The following SIGLEC1 variants were observed in gnomAD, a reference collection of about 807,000 sequenced individuals.
SIGLEC1 encodes sialoadhesin.
A neutral mutation model predicts 148.0 loss-of-function variants in SIGLEC1; 132 were observed. The observed-to-expected ratio is 0.89, with a 90% CI of 0.77 to 1.03. SIGLEC1 has a LOEUF of 1.03. Among genes scored for constraint, SIGLEC1 ranks in the 50% least tolerant of loss-of-function variants. The pLI is 0.00. For missense variants in SIGLEC1, 2,253 were observed against 2,271.4 expected, an observed-to-expected ratio of 0.99 and a Z score of 0.16; for synonymous variants, 945 against 969.0, an observed-to-expected ratio of 0.98 and a Z score of 0.46.
intron 18 of SIGLEC1, among the ~76,000 whole-genome samples, chr20:3,691,058 T>C (rs1329759707): frequency 1.3e-5 from 2 of 152,176 alleles, no homozygotes; most frequent in Non-Finnish European, 2.9e-5. Context: ...CTTGAACTCC[T>C]GACCTCAAGT....
At chr20:3,693,958 G>A (rs1490411532) in intron 13 of SIGLEC1, among the ~76,000 whole-genome samples, 1 of 152,154 alleles carries the variant, frequency 6.6e-6, no homozygotes, top group African/African-American at 2.4e-5. Flanking sequence ...GGCAAATGGG[G>A]AGACCACAGA....
intron 7 of SIGLEC1, among the ~76,000 whole-genome samples, chr20:3,699,783 C>T (rs566440712): frequency 1.3e-5 from 2 of 151,864 alleles, no homozygotes; most frequent in South Asian, 2.1e-4. Flanking sequence ...TCCAGACCAG[C>T]CTAGGCAACA....
chr20:3,692,808 C>T (rs759482514), intron 15 of SIGLEC1, 36 bp from the exon 16 acceptor site: 23 of 1,600,684 alleles, frequency 1.4e-5, no homozygotes, highest in African/African-American at 6.7e-5. Context: ...CGGGCCCAGC[C>T]GGACACCACA....
chr20:3,692,474 C>T, intron 16 of SIGLEC1, 47 bp downstream of exon 16: 1 of 1,532,958 alleles, frequency 6.5e-7, no homozygotes, highest in Non-Finnish European at 8.7e-7. Context: ...GAAGCACCCT[C>T]CACCACCCTC....
chr20:3,692,263 T>C, intron 16 of SIGLEC1, 61 bp from the exon 17 acceptor site: 1 of 1,466,372 alleles, frequency 6.8e-7, no homozygotes, highest in South Asian at 1.4e-5. Context: ...GCTCATTGCC[T>C]AGCTGCCTGG....
Position 3,705,724 on chromosome 20 carries a change from T to A in SIGLEC1, c.706+20A>T. ...CAACAGATGCGCTCAGCCACAAGGGTGTGTCCCCAGACAACTCACACTTCA... is the reference window on the plus strand; with the variant it reads ...CAACAGATGCGCTCAGCCACAAGGGAGTGTCCCCAGACAACTCACACTTCA... On this transcript the variant is annotated intron_variant, in intron 4 of 21. Coordinates refer to ENST00000344754, the MANE Select transcript of SIGLEC1 (RefSeq NM_023068.4). 1 of 1,587,432 alleles carries A rather than the reference T, an allele frequency of 6.3e-7. No homozygotes were observed. The highest frequency in any genetic ancestry group is 8.6e-7 in the Non-Finnish European group (1 of 1,163,178).
chr20:3,694,938 C>G lies in SIGLEC1; in HGVS notation c.2684-15G>C, dbSNP rs752137547. 6.2e-7 allele frequency: 1 copy of G among 1,605,378 alleles called. No homozygotes were observed. Reference sequence around the variant, plus strand: ...GACCCAGGCTCCTGCAGGGGAAAACCAAGAGCAGGTGAGGGCTCTCCACCA... The same window carrying G: ...GACCCAGGCTCCTGCAGGGGAAAACGAAGAGCAGGTGAGGGCTCTCCACCA... On this transcript the variant is annotated splice_polypyrimidine_tract_variant and intron_variant, in intron 11 of 21. Transcript: ENST00000344754.
At position 3,711,222 on chromosome 20, in the gene SIGLEC1, T is replaced by C. The variant is rs941065488; in HGVS notation, c.-110+1248A>G. ...CCAGACAGGAGGTTCCTGAGGTTCA[T>C]ACTTGGGTCTCCAAGTCTTGGGTGC... On this transcript the variant is annotated intron_variant, in intron 1 of 21. Transcript: ENST00000344754. Among the ~76,000 whole-genome samples the C allele has an allele frequency of 3.3e-5, 5 of 152,234 alleles. No individual in the cohort carries two copies. In the East Asian group the frequency reaches 5.8e-4, roughly 18 times the overall value.
intron 2 of SIGLEC1, 123 bp downstream of exon 2, chr20:3,706,957 C>T (rs1375607236): frequency 8.5e-7 from 1 of 1,171,780 alleles, no homozygotes; most frequent in African/African-American, 1.5e-5. Flanking sequence ...TGGCCACTGC[C>T]CGATTGGGCC....
intron 21 of SIGLEC1, 96 bp from the exon 22 acceptor site, chr20:3,688,715 G>A: frequency 1.1e-6 from 1 of 943,858 alleles, no homozygotes; most frequent in Non-Finnish European, 1.6e-6. Flanking sequence ...GAGGATTGGT[G>A]GGAGTGTGCA....
intron 8 of SIGLEC1, 22 bp from the exon 9 acceptor site, chr20:3,698,155 G>A (rs750393182): frequency 2.6e-6 from 4 of 1,550,366 alleles, no homozygotes; most frequent in Admixed American, 2.1e-5. Flanking sequence ...AAGAACATGG[G>A]CACTCATCCC....
At position 3,688,399 on chromosome 20, in the gene SIGLEC1, G is replaced by A. The variant is rs1031548575; in HGVS notation, c.*161C>T. ...GCAGACCTCTCACCACCCATTTTTGGGGGGGCAAGAGGCTTGGGGCCAGGT... is the reference window on the plus strand; with the variant it reads ...GCAGACCTCTCACCACCCATTTTTGAGGGGGCAAGAGGCTTGGGGCCAGGT... On this transcript the variant is annotated 3_prime_UTR_variant, in exon 22 of 22. Transcript: ENST00000344754. 1.4e-5 allele frequency: 10 copies of A among 696,440 alleles called. No individual in the cohort carries two copies. The highest frequency in any genetic ancestry group is 1.1e-4 in the African/African-American group (6 of 56,848). The allele number at this position is 696,440 out of a possible 1,614,324, so 43.1% of individuals were successfully genotyped here. A position where few individuals can be genotyped will look rare whatever the true frequency, so the allele number is the denominator to read the frequency against.
Position 3,696,833 on chromosome 20 carries a change from C to T in SIGLEC1, c.2436G>A (p.Met812Ile). 6.3e-7 allele frequency: 1 copy of T among 1,594,854 alleles called. No homozygotes were observed. The highest frequency in any genetic ancestry group is 8.6e-7 in the Non-Finnish European group (1 of 1,169,400). ...SALLDMGQGH[M>I]ALFICTVDSR... is the part of the protein sequence containing the mutation. The stretch of plus-strand genomic sequence containing the variant: ...TGTCCACAGTGCAGATGAACAGAGC[C>T]ATGTGGCCCTGGCCCATGTCTAGGA... The change falls in exon 11 of 22, where the codon ATG becomes ATA. Residue 812 changes from methionine to isoleucine, a missense_variant. Transcript: ENST00000344754.
At chr20:3,688,710 T>C in intron 21 of SIGLEC1, 91 bp from the exon 22 acceptor site, 2 of 983,444 alleles carry the variant, frequency 2.0e-6, no homozygotes, top group Non-Finnish European at 3.0e-6. Flanking sequence ...CCCAAGAGGA[T>C]TGGTGGGAGT....
intron 4 of SIGLEC1, 49 bp from the exon 5 acceptor site, chr20:3,704,140 A>T: frequency 6.5e-7 from 1 of 1,543,840 alleles, no homozygotes; most frequent in South Asian, 1.2e-5. Context: ...GGGAGGGCAG[A>T]GGATGGCACA....
At chr20:3,700,545 T>C (rs1030029147) in intron 7 of SIGLEC1, among the ~76,000 whole-genome samples, 1 of 151,498 alleles carries the variant, frequency 6.6e-6, no homozygotes, top group African/African-American at 2.4e-5. Context: ...GAACATACCA[T>C]TGCACTCCGG....
intron 6 of SIGLEC1, among the ~76,000 whole-genome samples, chr20:3,702,351 C>T (rs949710399): frequency 2.6e-5 from 4 of 152,006 alleles, no homozygotes; most frequent in Non-Finnish European, 2.9e-5. Flanking sequence ...TTTGGGAGGC[C>T]GAGGTAGGTG....
chr20:3,699,136 G>T (rs910015850), intron 8 of SIGLEC1, 66 bp downstream of exon 8: 6 of 1,564,164 alleles, frequency 3.8e-6, no homozygotes, highest in Non-Finnish European at 5.2e-6. Flanking sequence ...AGGGCTGGGG[G>T]GCCTAGAGGA....
intron 5 of SIGLEC1, 120 bp from the exon 6 acceptor site, chr20:3,703,571 G>GCTGCTACAGGGGAGCCTC (rs2087869492): frequency 7.6e-7 from 1 of 1,310,136 alleles, no homozygotes; most frequent in Non-Finnish European, 1.0e-6. Flanking sequence ...CCACCCGCCT[G>GCTGCTACAGGGGAGCCTC]CTGCTACAGG....
Sources: allele counts gnomAD v4.1 joint callset (sites outside exome capture counted in the v4.1 genomes callset), GRCh38; gene constraint gnomAD v4.1.1; transcripts MANE v1.5; gene names NCBI Gene and HGNC (gene_info 2026-07-23, HGNC 2026-07-21).